SLC12A7: variants seen among roughly 807,000 people sequenced by gnomAD.
The protein encoded by SLC12A7 is solute carrier family 12 member 7, also known as K-Cl cotransporter 4.
SLC12A7 carries 100 observed loss-of-function variants against 120.6 expected under a neutral mutation model. The ratio of observed to expected loss-of-function variants is 0.83; its 90% CI spans 0.71 to 0.98. The LOEUF is 0.98. SLC12A7 is among the 50% of genes least tolerant of loss of function. The probability of loss-of-function intolerance (pLI) is 0.00; values close to 1 mark genes in which losing one functional copy is unlikely to be tolerated. For missense variants in SLC12A7, 1,373 were observed against 1,548.1 expected, an observed-to-expected ratio of 0.89 and a Z score of 1.90; for synonymous variants, 760 against 678.0, an observed-to-expected ratio of 1.12 and a Z score of -1.88.
chr5:1,085,724 G>T (rs567322774), intron 6 of SLC12A7, among the ~76,000 whole-genome samples: 126 of 150,386 alleles, frequency 8.4e-4, no homozygotes, highest in South Asian at 3.2e-3. Flanking sequence ...GAGCCCGCGG[G>T]GGTCAGCGCA....
the SLC12A7 span, among the ~76,000 whole-genome samples, chr5:1,151,338 C>T: frequency 3.9e-5 from 6 of 152,338 alleles, no homozygotes; most frequent in East Asian, 9.6e-4. The surrounding 1 kb of genome is among the most constrained non-coding windows in gnomAD (Gnocchi z 6.2). Flanking sequence ...AGCCTGGCCT[C>T]GGCACACATC....
the SLC12A7 span, among the ~76,000 whole-genome samples, chr5:1,133,725 G>A: frequency 1.4e-4 from 21 of 152,174 alleles, no homozygotes; most frequent in Non-Finnish European, 5.9e-5. Flanking sequence ...GAGTTTCGGG[G>A]TATGAACATC....
intron 13 of SLC12A7, 35 bp from the exon 14 acceptor site, chr5:1,076,271 T>C (rs774230353): frequency 6.5e-7 from 1 of 1,548,510 alleles, no homozygotes; most frequent in Non-Finnish European, 8.8e-7. Flanking sequence ...ACGGGCCCAC[T>C]GGGCCCCCCT....
intron 17 of SLC12A7, among the ~76,000 whole-genome samples, chr5:1,069,866 A>G (rs1000622617): frequency 3.3e-5 from 5 of 152,110 alleles, no homozygotes; most frequent in African/African-American, 1.2e-4. Flanking sequence ...GTCCTGGGGC[A>G]GCCGACTGCA....
chr5:1,086,898 C>G lies in SLC12A7; in HGVS notation c.675+5G>C, dbSNP rs779638373. 3 of 1,612,482 alleles carry G rather than the reference C, an allele frequency of 1.9e-6. No individual in the cohort carries two copies. The highest frequency in any genetic ancestry group is 2.5e-6 in the Non-Finnish European group (3 of 1,179,648). The stretch of plus-strand genomic sequence containing the variant: ...GTGGGAACCCTTCCAAAGCAGCACA[C>G]TTACCAGAAAAATCTCGATGGTCCC... On this transcript the variant is annotated splice_donor_5th_base_variant and intron_variant, in intron 6 of 23. Coordinates refer to ENST00000264930, the MANE Select transcript of SLC12A7 (RefSeq NM_006598.3).
At chr5:1,090,682 C>T (rs1224344223) in intron 3 of SLC12A7, among the ~76,000 whole-genome samples, 1 of 152,196 alleles carries the variant, frequency 6.6e-6, no homozygotes, top group Non-Finnish European at 1.5e-5. Context: ...AGACGCGGTC[C>T]ACACAGGGGC....
the SLC12A7 span, among the ~76,000 whole-genome samples, chr5:1,133,313 C>G: frequency 6.6e-6 from 1 of 152,126 alleles, no homozygotes; most frequent in Non-Finnish European, 1.5e-5. Flanking sequence ...GGCAAGAGCT[C>G]CCCCCAACCC....
intron 17 of SLC12A7, among the ~76,000 whole-genome samples, chr5:1,067,937 G>A (rs552205570): frequency 5.0e-5 from 7 of 141,016 alleles, no homozygotes; most frequent in African/African-American, 1.6e-4. Context: ...CCTGCCCGGC[G>A]CAGCAGTCGC....
intron 9 of SLC12A7, among the ~76,000 whole-genome samples, chr5:1,080,178 G>C (rs917217432): frequency 2.7e-5 from 4 of 149,534 alleles, no homozygotes; most frequent in African/African-American, 7.4e-5. Context: ...CCGCGGCTCA[G>C]AGACACCCGG....
the SLC12A7 span, among the ~76,000 whole-genome samples, chr5:1,144,181 T>C: frequency 6.6e-6 from 1 of 151,912 alleles, no homozygotes; most frequent in African/African-American, 2.4e-5. Flanking sequence ...GGAGGGGACC[T>C]GGACGCACCC....
intron 9 of SLC12A7, among the ~76,000 whole-genome samples, chr5:1,080,130 C>A (rs989355898): frequency 6.6e-6 from 1 of 152,080 alleles, no homozygotes; most frequent in Admixed American, 6.5e-5. Flanking sequence ...GCGGAGACAC[C>A]CGGAGCCACG....
At chr5:1,115,867 G>GGAGGGAAGGGAGGA (rs1743298575), upstream of SLC12A7, among the ~76,000 whole-genome samples, 1 of 134,612 alleles carries the variant, frequency 7.4e-6, no homozygotes, top group African/African-American at 3.6e-5. Context: ...AAAGGAAAGA[G>GGAGGGAAGGGAGGA]GTGGGAAGGG....
At chr5:1,101,311 C>G (rs948824106) in intron 1 of SLC12A7, among the ~76,000 whole-genome samples, 15 of 152,208 alleles carry the variant, frequency 9.9e-5, no homozygotes, top group Non-Finnish European at 1.3e-4. Flanking sequence ...CTTCATGAAC[C>G]CCATGCACCA....
chr5:1,142,287 TCCCCTCC>T, the SLC12A7 span, among the ~76,000 whole-genome samples: 1 of 42,174 alleles, frequency 2.4e-5, no homozygotes, highest in Non-Finnish European at 4.7e-5. Context: ...CTCTCCCCTC[TCCCCTCC>T]CCCCTCGCCC....
intron 1 of SLC12A7, among the ~76,000 whole-genome samples, chr5:1,111,593 G>A (rs1743012614): frequency 6.6e-6 from 1 of 152,112 alleles, no homozygotes; most frequent in African/African-American, 2.4e-5. Context: ...GCCCCTCCCC[G>A]TTTCCATGGC....
the SLC12A7 span, among the ~76,000 whole-genome samples, chr5:1,153,341 C>G: frequency 6.6e-6 from 1 of 152,240 alleles, no homozygotes; most frequent in Non-Finnish European, 1.5e-5. Flanking sequence ...GCAACACCTC[C>G]CTCCATGCCC....
At chr5:1,095,914 T>TG (rs1324946131) in intron 1 of SLC12A7, among the ~76,000 whole-genome samples, 1 of 152,158 alleles carries the variant, frequency 6.6e-6, no homozygotes, top group African/African-American at 2.4e-5. Context: ...TGACTGCAGA[T>TG]GCCTAGACCA....
chr5:1,128,945 C>T, the SLC12A7 span, among the ~76,000 whole-genome samples: 1 of 152,250 alleles, frequency 6.6e-6, no homozygotes, highest in African/African-American at 2.4e-5. Context: ...TGCTCCATCC[C>T]CATGTGCGTC....
At position 1,063,904 on chromosome 5, in the gene SLC12A7, C is replaced by T; in HGVS notation, c.2679G>A (p.Lys893=). 6.2e-7 allele frequency: 1 copy of T among 1,612,372 alleles called. No individual in the cohort carries two copies. Among genetic ancestry groups the T allele is most frequent in the Non-Finnish European group, 8.5e-7 (1 of 1,179,770 alleles). Reference sequence around the variant, plus strand: ...AGTGGTACAAGAACATCTGCAGGTCCTTCTTCATCTGGATGCTGTTGTCGT... The same window carrying T: ...AGTGGTACAAGAACATCTGCAGGTCTTTCTTCATCTGGATGCTGTTGTCGT... ...QVDDNSIQMK[K]DLQMFLYHLR... is the part of the protein sequence containing the mutation. Residue 893 remains lysine (K), a synonymous_variant, in exon 20 of 24, where the codon AAG becomes AAA. Transcript: ENST00000264930.
Sources: gnomAD v4.1 joint callset for allele counts (sites outside exome capture counted in the v4.1 genomes callset) on GRCh38, gnomAD v4.1.1 for gene constraint, Gnocchi (gnomAD v3.1) non-coding constraint, MANE v1.5 for transcripts, NCBI Gene and HGNC (gene_info 2026-07-23, HGNC 2026-07-21) for gene names.